Variants in TTC3 observed in about 807,000 individuals in gnomAD.
The protein encoded by TTC3 is tetratricopeptide repeat domain 3, also known as E3 ubiquitin-protein ligase TTC3.
Under a neutral mutation model 249.6 loss-of-function variants are expected in TTC3, and 180 were observed. The ratio of observed to expected loss-of-function variants is 0.72; its 90% CI spans 0.64 to 0.82. The LOEUF (loss-of-function observed/expected upper bound fraction) is 0.82, where lower values mean the gene tolerates loss of function less well. Ranked by LOEUF, TTC3 falls within the 40% of genes least tolerant of loss-of-function variation. The probability of loss-of-function intolerance (pLI) is 0.00; values close to 1 mark genes in which losing one functional copy is unlikely to be tolerated. For synonymous variants in TTC3, 717 were observed against 805.0 expected (o/e 0.89, Z 1.85); for missense variants, 2,061 against 2,398.4 (o/e 0.86, Z 2.94).
At chr21:37,178,534 T>C (rs1207297742) in intron 35 of TTC3, among the ~76,000 whole-genome samples, 1 of 152,236 alleles carries the variant, frequency 6.6e-6, no homozygotes, top group Non-Finnish European at 1.5e-5. Flanking sequence ...TGATTTTTAT[T>C]TCCCTAAAGG....
intron 39 of TTC3, among the ~76,000 whole-genome samples, chr21:37,191,119 C>T (rs895309236): frequency 2.6e-5 from 4 of 152,038 alleles, no homozygotes; most frequent in East Asian, 1.9e-4. Context: ...CTCTGCCCTT[C>T]GGTTTTAGAG....
At chr21:37,179,006 T>C (rs1419816599) in intron 35 of TTC3, among the ~76,000 whole-genome samples, 2 of 151,876 alleles carry the variant, frequency 1.3e-5, no homozygotes, top group Non-Finnish European at 2.9e-5. Flanking sequence ...GCATGATGGC[T>C]CACACCTATA....
intron 10 of TTC3, among the ~76,000 whole-genome samples, chr21:37,106,194 G>T (rs901178875): frequency 6.6e-6 from 1 of 152,148 alleles, no homozygotes; most frequent in Non-Finnish European, 1.5e-5. Context: ...TAAGGTTATT[G>T]ACCATTTGGA....
At chr21:37,194,239 G>T (rs762183972) in intron 41 of TTC3, among the ~76,000 whole-genome samples, 1 of 152,136 alleles carries the variant, frequency 6.6e-6, no homozygotes, top group Non-Finnish European at 1.5e-5. Flanking sequence ...TCGGTTATCC[G>T]CAGTCAACCG....
At position 37,140,687 on chromosome 21, in the gene TTC3, A is replaced by G; in HGVS notation, c.1772+14A>G. ...GAAAAAAAACAGGTTAGTAGAAATGACACTACTTTAAGCTCTAGGCTGGTA... is the reference window on the plus strand; with the variant it reads ...GAAAAAAAACAGGTTAGTAGAAATGGCACTACTTTAAGCTCTAGGCTGGTA... On this transcript the variant is annotated intron_variant, in intron 20 of 45. Transcript: ENST00000355666. 1 of 1,551,630 alleles carries G rather than the reference A, an allele frequency of 6.4e-7. No individual in the cohort carries two copies. The highest frequency in any genetic ancestry group is 8.8e-7 in the Non-Finnish European group (1 of 1,136,506).
At position 37,165,658 on chromosome 21, in the gene TTC3, AGC is replaced by A. The variant is rs1204322119; in HGVS notation, c.3445_3446del (p.Ala1149ArgfsTer17). 2.5e-6 allele frequency: 4 copies of A among 1,614,014 alleles called. No homozygotes were observed. The highest frequency in any genetic ancestry group is 2.5e-6 in the Non-Finnish European group (3 of 1,180,040). On this transcript the variant is annotated frameshift_variant, in exon 33 of 46. Transcript: ENST00000355666. LOFTEE classifies it high-confidence loss of function. ...AAGAAACTCGACAGATACTAGAAAA[AGC>A]AGGAGGTTTAAAACCTTTTCTCTTG... is the stretch of plus-strand genomic sequence containing the variant.
In TTC3 at chr21:37,147,465, G is replaced by T. The variant is rs1426305893; in HGVS notation, c.1894-16G>T. The stretch of plus-strand genomic sequence containing the variant: ...TTAGTATTGTAATGGTATCATTTTT[G>T]TTTATTTTGTTTTAGATGCTGTTAG... On this transcript the variant is annotated splice_polypyrimidine_tract_variant and intron_variant, in intron 21 of 45. Transcript: ENST00000355666. 2 of 1,589,092 alleles carry T rather than the reference G, an allele frequency of 1.3e-6. No homozygotes were observed. The highest frequency in any genetic ancestry group is 1.8e-5 in the Admixed American group (1 of 54,372).
At chr21:37,150,705 G>C (rs1281990587) in intron 24 of TTC3, 115 bp from the exon 25 acceptor site, 13 of 737,994 alleles carry the variant, frequency 1.8e-5, no homozygotes, top group Non-Finnish European at 2.9e-5. Context: ...CATCATCACT[G>C]TTCTCTATCA....
intron 32 of TTC3, among the ~76,000 whole-genome samples, chr21:37,165,306 C>CT: frequency 6.6e-6 from 1 of 151,728 alleles, no homozygotes; most frequent in South Asian, 2.1e-4. Context: ...TTTTGATTTC[C>CT]TTTTGCTTTC....
chr21:37,190,401 TG>T (rs1388907886), intron 39 of TTC3, among the ~76,000 whole-genome samples: 1 of 152,174 alleles, frequency 6.6e-6, no homozygotes, highest in Admixed American at 6.5e-5. Context: ...CCCAAAGTGC[TG>T]GGATTACAGG....
At chr21:37,108,579 C>A (rs2075310135) in intron 11 of TTC3, 133 bp downstream of exon 11, 1 of 833,956 alleles carries the variant, frequency 1.2e-6, no homozygotes, top group South Asian at 1.9e-5. Context: ...AAAGGGGAGT[C>A]ATCAGATCCA....
chr21:37,135,586 G>C, intron 18 of TTC3, 72 bp downstream of exon 18: 1 of 1,529,634 alleles, frequency 6.5e-7, no homozygotes, highest in Non-Finnish European at 8.9e-7. Context: ...AGAACCAAGG[G>C]CTTAACTCAT....
chr21:37,088,077 A>C, intron 3 of TTC3, 119 bp from the exon 4 acceptor site: 1 of 1,023,132 alleles, frequency 9.8e-7, no homozygotes, highest in East Asian at 2.6e-5. Flanking sequence ...ACAGGCTAGA[A>C]TACTTCATTC....
intron 1 of TTC3, among the ~76,000 whole-genome samples, chr21:37,074,039 G>A (rs985651393): frequency 2.6e-5 from 4 of 152,242 alleles, no homozygotes; most frequent in Non-Finnish European, 5.9e-5. Flanking sequence ...TGCAGGTTTC[G>A]TTGGTGAGCG....
At chr21:37,194,249 G>T (rs151040769) in intron 41 of TTC3, among the ~76,000 whole-genome samples, 2 of 152,182 alleles carry the variant, frequency 1.3e-5, no homozygotes, top group African/African-American at 4.8e-5. Flanking sequence ...GCAGTCAACC[G>T]CAGTTAGAAA....
chr21:37,155,531 T>G (rs988904439), intron 27 of TTC3, among the ~76,000 whole-genome samples: 4 of 152,242 alleles, frequency 2.6e-5, no homozygotes, highest in African/African-American at 9.6e-5. Flanking sequence ...ACATGATCTC[T>G]GCAAGCTAAC....
intron 18 of TTC3, among the ~76,000 whole-genome samples, chr21:37,137,405 G>A (rs73201967): frequency 0.12 from 18,773 of 152,130 alleles, 1,321 homozygotes; most frequent in Admixed American, 0.16. Flanking sequence ...TTTGGAAGAA[G>A]TAAATTCCAG....
chr21:37,184,331 A>G (rs1032703483), intron 36 of TTC3, among the ~76,000 whole-genome samples: 2 of 152,216 alleles, frequency 1.3e-5, no homozygotes, highest in African/African-American at 4.8e-5. Context: ...TTTCTGTACT[A>G]GCATAAAAGT....
intron 35 of TTC3, among the ~76,000 whole-genome samples, chr21:37,178,429 G>A (rs935686484): frequency 2.6e-5 from 4 of 152,136 alleles, no homozygotes; most frequent in African/African-American, 9.7e-5. Context: ...CAGTATATAA[G>A]GATTCCAGTT....
Sources: gnomAD v4.1 joint callset for allele counts (sites outside exome capture counted in the v4.1 genomes callset) on GRCh38, gnomAD v4.1.1 for gene constraint, MANE v1.5 for transcripts, NCBI Gene and HGNC (gene_info 2026-07-23, HGNC 2026-07-21) for gene names.